NTN4: variants seen among roughly 807,000 people sequenced by gnomAD.
NTN4 encodes netrin-4.
In NTN4, 32 loss-of-function variants were observed where a neutral mutation model predicts 73.6. The ratio of observed to expected loss-of-function variants is 0.44; its 90% CI spans 0.33 to 0.58. The LOEUF is 0.58. Among genes scored for constraint, NTN4 ranks in the 20% least tolerant of loss-of-function variants. NTN4 has a pLI of 0.04. For synonymous variants in NTN4, 258 were observed against 287.5 expected, an observed-to-expected ratio of 0.90 and a Z score of 1.04; for missense variants, 654 against 798.3, an observed-to-expected ratio of 0.82 and a Z score of 2.18.
chr12:95,669,621 A>AAAC (rs2120937729), intron 8 of NTN4, among the ~76,000 whole-genome samples: 1 of 152,338 alleles, frequency 6.6e-6, no homozygotes, highest in Non-Finnish European at 1.5e-5. Flanking sequence ...GCCAGAAATC[A>AAAC]AACTCACATA....
chr12:95,752,615 A>G (rs1351452697), intron 2 of NTN4, among the ~76,000 whole-genome samples: 1 of 152,106 alleles, frequency 6.6e-6, no homozygotes, highest in Admixed American at 6.5e-5. Flanking sequence ...TCATAAAAAC[A>G]CACGTGCTCT....
At chr12:95,672,640 G>A in intron 7 of NTN4, 1 of 1,516,418 alleles carries the variant, frequency 6.6e-7, no homozygotes, top group Non-Finnish European at 9.1e-7. Context: ...AGGCCCAGGT[G>A]AAGATCTGGA....
At chr12:95,688,359 T>G (rs2078377714) in intron 5 of NTN4, among the ~76,000 whole-genome samples, 2 of 151,936 alleles carry the variant, frequency 1.3e-5, no homozygotes, top group Admixed American at 1.3e-4. Flanking sequence ...CGGGGAAGAT[T>G]TTCAGGTGTC....
chr12:95,725,233 C>CA (rs1449872885), intron 3 of NTN4, among the ~76,000 whole-genome samples: 2 of 151,908 alleles, frequency 1.3e-5, no homozygotes, highest in East Asian at 3.9e-4. Context: ...TGCGTGAAAG[C>CA]AAAAAACGAG....
chr12:95,741,173 C>G (rs1361659768), intron 2 of NTN4, among the ~76,000 whole-genome samples: 1 of 151,690 alleles, frequency 6.6e-6, no homozygotes, highest in African/African-American at 2.4e-5. Flanking sequence ...GTAGTCCGCC[C>G]TTATCCTCCG....
intron 2 of NTN4, among the ~76,000 whole-genome samples, chr12:95,783,609 T>C (rs1472583435): frequency 6.6e-6 from 1 of 152,198 alleles, no homozygotes. Context: ...GGAGAGAACT[T>C]GATTTTATGG....
At chr12:95,711,007 TA>T (rs2078561305) in intron 4 of NTN4, among the ~76,000 whole-genome samples, 1 of 152,094 alleles carries the variant, frequency 6.6e-6, no homozygotes, top group African/African-American at 2.4e-5. Flanking sequence ...ATAAATAAAC[TA>T]AAAATAGGAT....
chr12:95,719,149 T>G (rs2078628225), intron 3 of NTN4, among the ~76,000 whole-genome samples: 1 of 152,156 alleles, frequency 6.6e-6, no homozygotes, highest in Non-Finnish European at 1.5e-5. Flanking sequence ...AAAAAAAGAT[T>G]TGTTTTAGAG....
chr12:95,682,789 A>C lies in NTN4; in HGVS notation c.1428T>G (p.Pro476=). The C allele has an allele frequency of 6.2e-7, 1 of 1,613,804 alleles. No individual in the cohort carries two copies. Among genetic ancestry groups the C allele is most frequent in the Non-Finnish European group, 8.5e-7 (1 of 1,179,728 alleles). ...TCTTATTGTGCACGGGACGGAAGTC[A>C]GGAACTTCATGATACCAGTCTATGT... ...HTDIDWYHEV[P]DFRPVHNKSE... is the part of the protein sequence containing the mutation. The change falls in exon 7 of 10, where the codon CCT becomes CCG. Residue 476 remains proline, a synonymous_variant. Coordinates refer to ENST00000343702, the MANE Select transcript of NTN4 (RefSeq NM_021229.4).
intron 7 of NTN4, chr12:95,672,805 A>C: frequency 7.5e-7 from 1 of 1,332,146 alleles, no homozygotes; most frequent in African/African-American, 1.4e-5. Context: ...GCCCTTTTGG[A>C]ATAAAGAAAT....
At chr12:95,684,614 T>G (rs2078347520) in intron 5 of NTN4, among the ~76,000 whole-genome samples, 2 of 151,956 alleles carry the variant, frequency 1.3e-5, no homozygotes, top group African/African-American at 4.8e-5. Flanking sequence ...GCCGTAAGTC[T>G]TTAATACTAG....
In NTN4 at chr12:95,723,526, T is replaced by A. The variant is rs538070466; in HGVS notation, c.865-10188A>T. Among the ~76,000 whole-genome samples, 3 of 152,312 alleles carry A rather than the reference T, an allele frequency of 2.0e-5. No individual in the cohort carries two copies. In the East Asian group the frequency reaches 5.8e-4, roughly 29 times the overall value. ...TTTGTAAATACATTTCAGCATTATTTTTTTTTTGAGACACAGTCTTACTCT... is the reference window on the plus strand; with the variant it reads ...TTTGTAAATACATTTCAGCATTATTATTTTTTTGAGACACAGTCTTACTCT... On this transcript the variant is annotated intron_variant, in intron 3 of 9. Transcript: ENST00000343702.
At chr12:95,719,454 G>C (rs1419282797) in intron 3 of NTN4, among the ~76,000 whole-genome samples, 1 of 152,160 alleles carries the variant, frequency 6.6e-6, no homozygotes, top group Non-Finnish European at 1.5e-5. Flanking sequence ...ATGCTATACA[G>C]CAATTGAAGA....
At chr12:95,731,703 T>A (rs1404618723) in intron 3 of NTN4, among the ~76,000 whole-genome samples, 3 of 152,134 alleles carry the variant, frequency 2.0e-5, no homozygotes, top group Non-Finnish European at 2.9e-5. Context: ...TCTCCAATCC[T>A]TTTTCCCCTC....
chr12:95,705,031 A>AGT (rs1295095104), intron 5 of NTN4, among the ~76,000 whole-genome samples: 1 of 152,254 alleles, frequency 6.6e-6, no homozygotes, highest in African/African-American at 2.4e-5. Context: ...AATATGACTT[A>AGT]GTAGTAGTAG....
intron 6 of NTN4, 67 bp downstream of exon 6, chr12:95,683,431 A>C: frequency 6.9e-7 from 1 of 1,447,174 alleles, no homozygotes; most frequent in Non-Finnish European, 9.6e-7. Flanking sequence ...AGATTTTCCA[A>C]ATCACTATAG....
At chr12:95,749,080 G>A (rs1555220093) in intron 2 of NTN4, among the ~76,000 whole-genome samples, 1 of 152,094 alleles carries the variant, frequency 6.6e-6, no homozygotes, top group Non-Finnish European at 1.5e-5. Context: ...AGCACCTTGT[G>A]ACCCCTACCC....
chr12:95,722,380 C>T (rs1298988180), intron 3 of NTN4, among the ~76,000 whole-genome samples: 1 of 152,132 alleles, frequency 6.6e-6, no homozygotes, highest in Non-Finnish European at 1.5e-5. Context: ...AATCTCAGCA[C>T]TTTGGGAGGC....
At chr12:95,721,812 T>G (rs1486607902) in intron 3 of NTN4, among the ~76,000 whole-genome samples, 2 of 152,204 alleles carry the variant, frequency 1.3e-5, no homozygotes, top group Admixed American at 1.3e-4. Flanking sequence ...GCCCCAAAGC[T>G]TTGAATTATT....
Sources: allele counts gnomAD v4.1 joint callset (sites outside exome capture counted in the v4.1 genomes callset), GRCh38; gene constraint gnomAD v4.1.1; transcripts MANE v1.5; gene names NCBI Gene and HGNC (gene_info 2026-07-23, HGNC 2026-07-21).